Variants in LINGO2 observed in about 807,000 individuals in gnomAD.
LINGO2 encodes the protein leucine-rich repeat and immunoglobulin-like domain-containing nogo receptor-interacting protein 2.
In LINGO2, 14 loss-of-function variants were observed where a neutral mutation model predicts 30.6. The ratio of observed to expected loss-of-function variants is 0.46; its 90% CI spans 0.30 to 0.72. LINGO2 has a LOEUF of 0.72. Among genes scored for constraint, LINGO2 ranks in the 30% least tolerant of loss-of-function variants. The pLI is 0.07. For missense variants in LINGO2, 729 were observed against 751.7 expected (o/e 0.97, Z 0.35); for synonymous variants, 317 against 288.5 (o/e 1.10, Z -1.00).
chr9:28,789,584 T>C, the LINGO2 span, among the ~76,000 whole-genome samples: 1 of 152,150 alleles, frequency 6.6e-6, no homozygotes. Context: ...TCAGGTTGAA[T>C]TGAACATGTC....
the LINGO2 span, among the ~76,000 whole-genome samples, chr9:28,874,505 G>A: frequency 6.6e-6 from 1 of 151,876 alleles, no homozygotes; most frequent in Non-Finnish European, 1.5e-5. Flanking sequence ...AGTACATTAA[G>A]GGGAAATTTA....
At chr9:28,117,629 G>T (rs1826961976) in intron 4 of LINGO2, among the ~76,000 whole-genome samples, 1 of 125,102 alleles carries the variant, frequency 8.0e-6, no homozygotes, top group Non-Finnish European at 1.7e-5. Flanking sequence ...CGTTTCTTAA[G>T]CCGGTCTGAA....
chr9:28,121,548 T>C (rs937647579), intron 4 of LINGO2, among the ~76,000 whole-genome samples: 7 of 152,178 alleles, frequency 4.6e-5, no homozygotes, highest in Non-Finnish European at 1.0e-4. Context: ...CATAGTCCTT[T>C]TTGTGCTTGG....
At chr9:28,228,312 C>G (rs1821241493) in intron 4 of LINGO2, among the ~76,000 whole-genome samples, 1 of 151,886 alleles carries the variant, frequency 6.6e-6, no homozygotes, top group Non-Finnish European at 1.5e-5. Flanking sequence ...TTAGAGAGAT[C>G]AACATTTTAC....
intron 4 of LINGO2, among the ~76,000 whole-genome samples, chr9:28,152,537 T>C (rs1216671645): frequency 6.6e-6 from 1 of 152,078 alleles, no homozygotes; most frequent in African/African-American, 2.4e-5. Flanking sequence ...TAAGCCCAAG[T>C]GGAATGAAAC....
chr9:28,728,269 A>T, the LINGO2 span, among the ~76,000 whole-genome samples: 2 of 152,228 alleles, frequency 1.3e-5, no homozygotes, highest in African/African-American at 4.8e-5. Flanking sequence ...CCCTAGAGAA[A>T]GACAGAAGAT....
At chr9:28,683,447 T>A in the LINGO2 span, among the ~76,000 whole-genome samples, 1,405 of 152,252 alleles carry the variant, frequency 9.2e-3, 30 homozygotes, top group East Asian at 0.08. Context: ...GGCACAAATA[T>A]CACTCTTAAA....
At chr9:28,811,435 T>A in the LINGO2 span, among the ~76,000 whole-genome samples, 1 of 152,274 alleles carries the variant, frequency 6.6e-6, no homozygotes, top group African/African-American at 2.4e-5. Context: ...AACCTTGTAG[T>A]GGCCTTGCTT....
At chr9:28,465,614 C>G (rs1233615443) in intron 2 of LINGO2, among the ~76,000 whole-genome samples, 1 of 152,028 alleles carries the variant, frequency 6.6e-6, no homozygotes, top group Non-Finnish European at 1.5e-5. Context: ...CTGTTCATAT[C>G]AATATCAAGT....
chr9:29,046,287 T>A, the LINGO2 span, among the ~76,000 whole-genome samples: 1 of 152,164 alleles, frequency 6.6e-6, no homozygotes, highest in African/African-American at 2.4e-5. Flanking sequence ...ACAGCCTCAA[T>A]ATGCAAGGCA....
chr9:28,004,955 T>G (rs904722985), intron 5 of LINGO2, among the ~76,000 whole-genome samples: 1 of 152,140 alleles, frequency 6.6e-6, no homozygotes, highest in East Asian at 1.9e-4. Flanking sequence ...CCAGTAATAA[T>G]GAACAGTAAT....
At chr9:28,574,904 T>G (rs1249497068) in intron 1 of LINGO2, among the ~76,000 whole-genome samples, 1 of 152,134 alleles carries the variant, frequency 6.6e-6, no homozygotes, top group African/African-American at 2.4e-5. Flanking sequence ...TTTTTCAAAT[T>G]TAAAATGCAT....
At chr9:28,027,862 A>G (rs1823459635) in intron 4 of LINGO2, among the ~76,000 whole-genome samples, 1 of 152,188 alleles carries the variant, frequency 6.6e-6, no homozygotes, top group Non-Finnish European at 1.5e-5. Context: ...TTTAGCTGCC[A>G]TAAATTTTTG....
the LINGO2 span, among the ~76,000 whole-genome samples, chr9:29,071,732 T>G: frequency 6.6e-6 from 1 of 151,278 alleles, no homozygotes; most frequent in African/African-American, 2.4e-5. Flanking sequence ...ATTGGAGAGA[T>G]GGACATCAGT....
At position 28,490,897 on chromosome 9, in the gene LINGO2, T is replaced by C. The variant is rs77144022; in HGVS notation, c.-364-14872A>G. 4.2e-3 allele frequency among the ~76,000 whole-genome samples: 633 copies of C among 152,230 alleles called. 27 individuals carry two copies. In the East Asian group the frequency reaches 0.075, roughly 18 times the overall value. On this transcript the variant is annotated intron_variant, in intron 1 of 5. Transcript: ENST00000379992. ...TATGCATCTCACATATATCAAAGGG[T>C]GTATGTAAAAGATGTTTATTGTAAA...
chr9:28,048,656 A>G (rs1442330703), intron 4 of LINGO2, among the ~76,000 whole-genome samples: 1 of 150,864 alleles, frequency 6.6e-6, no homozygotes, highest in Non-Finnish European at 1.5e-5. Context: ...TTCAACAAAC[A>G]ATATATGCAC....
the LINGO2 span, among the ~76,000 whole-genome samples, chr9:28,716,377 G>A: frequency 6.6e-6 from 1 of 151,728 alleles, no homozygotes; most frequent in South Asian, 2.1e-4. Flanking sequence ...GATAGGAAAG[G>A]GTCCAAAATA....
At chr9:28,092,932 T>G (rs1228098235) in intron 4 of LINGO2, among the ~76,000 whole-genome samples, 1 of 152,080 alleles carries the variant, frequency 6.6e-6, no homozygotes, top group African/African-American at 2.4e-5. Flanking sequence ...GCATCATGGC[T>G]TTTAATTCTT....
chr9:28,041,474 G>A (rs1207968899), intron 4 of LINGO2, among the ~76,000 whole-genome samples: 1 of 152,126 alleles, frequency 6.6e-6, no homozygotes, highest in African/African-American at 2.4e-5. Context: ...AGAATATAGA[G>A]GGGTGCTGGG....
Sources: allele counts gnomAD v4.1 joint callset (sites outside exome capture counted in the v4.1 genomes callset), GRCh38; gene constraint gnomAD v4.1.1; transcripts MANE v1.5; gene names NCBI Gene and HGNC (gene_info 2026-07-23, HGNC 2026-07-21).